Variants in ROBO2 observed in about 807,000 individuals in gnomAD.
ROBO2 encodes the protein roundabout guidance receptor 2.
Under a neutral mutation model 160.8 loss-of-function variants are expected in ROBO2, and 53 were observed. That is an observed-to-expected ratio of 0.33 (90% CI 0.26 to 0.41). The LOEUF is 0.41. Ranked by LOEUF, ROBO2 falls within the 10% of genes least tolerant of loss-of-function variation. ROBO2 has a pLI of 1.00. For synonymous variants in ROBO2, 664 were observed against 611.7 expected (o/e 1.09, Z -1.26); for missense variants, 1,577 against 1,722.4 (o/e 0.92, Z 1.49).
At chr3:77,137,175 G>A (rs1034062756) in intron 2 of ROBO2, among the ~76,000 whole-genome samples, 1 of 152,124 alleles carries the variant, frequency 6.6e-6, no homozygotes, top group Admixed American at 6.5e-5. Flanking sequence ...TAACTTTAGT[G>A]TTGTTACTTC....
Position 76,505,626 on chromosome 3 carries a change from CA to C in ROBO2, c.109+568025del, listed in dbSNP as rs1352231646. Reference sequence around the variant, plus strand: ...TTCTACCCACTGACAGAGGGAATGACAGACAGAAATTGGAATGAGGCATCTA... The same window carrying C: ...TTCTACCCACTGACAGAGGGAATGACGACAGAAATTGGAATGAGGCATCTA... On this transcript the variant is annotated intron_variant, in intron 2 of 26. Transcript: ENST00000487694. Among the ~76,000 whole-genome samples the C allele has an allele frequency of 2.6e-5, 4 of 152,248 alleles. No individual in the cohort carries two copies. In the East Asian group the frequency reaches 7.7e-4, roughly 29 times the overall value.
At chr3:77,361,243 C>A (rs1038930553) in intron 2 of ROBO2, among the ~76,000 whole-genome samples, 2 of 152,022 alleles carry the variant, frequency 1.3e-5, no homozygotes, top group African/African-American at 4.8e-5. Flanking sequence ...CAGATAAGAG[C>A]AAATCGTTTT....
intron 1 of ROBO2, among the ~76,000 whole-genome samples, chr3:75,922,199 G>A (rs1947087873): frequency 6.6e-6 from 1 of 152,086 alleles, no homozygotes; most frequent in African/African-American, 2.4e-5. Context: ...TTGGCTATAT[G>A]TATTTTATAG....
intron 2 of ROBO2, among the ~76,000 whole-genome samples, chr3:77,397,647 T>C (rs1402562816): frequency 6.6e-6 from 1 of 152,158 alleles, no homozygotes; most frequent in East Asian, 1.9e-4. Context: ...AATGTGTGTG[T>C]GTATGCTATC....
chr3:77,040,132 T>G, exon 1 of ROBO2: 1 of 981,442 alleles, frequency 1.0e-6, no homozygotes, highest in Non-Finnish European at 1.2e-6. Flanking sequence ...CGAATCGTCC[T>G]GATTTCCCTT....
intron 2 of ROBO2, among the ~76,000 whole-genome samples, chr3:76,614,315 A>G (rs1163803943): frequency 1.3e-5 from 2 of 152,124 alleles, no homozygotes; most frequent in East Asian, 3.8e-4. Flanking sequence ...AATAGAAATA[A>G]TATCAAATCG....
At chr3:75,954,432 T>C (rs1948656850) in intron 2 of ROBO2, among the ~76,000 whole-genome samples, 1 of 151,770 alleles carries the variant, frequency 6.6e-6, no homozygotes, top group Non-Finnish European at 1.5e-5. Flanking sequence ...GTCTCCTCTT[T>C]CTCCAAAAAC....
At chr3:76,114,942 G>A (rs1026356408) in intron 2 of ROBO2, among the ~76,000 whole-genome samples, 1 of 152,050 alleles carries the variant, frequency 6.6e-6, no homozygotes, top group African/African-American at 2.4e-5. Flanking sequence ...TCTTGAATGG[G>A]CATTTCTTTC....
At chr3:76,465,988 A>C (rs1577387156) in intron 2 of ROBO2, among the ~76,000 whole-genome samples, 2 of 119,882 alleles carry the variant, frequency 1.7e-5, no homozygotes, top group African/African-American at 6.5e-5. Flanking sequence ...AATATCCTGG[A>C]TAAAATATGG....
intron 14 of ROBO2, among the ~76,000 whole-genome samples, chr3:77,575,897 C>T (rs1188434389): frequency 6.6e-6 from 1 of 151,872 alleles, no homozygotes; most frequent in Non-Finnish European, 1.5e-5. Context: ...GACATTTGTC[C>T]CTGTTGGGTA....
chr3:76,253,031 A>AT (rs745402675), intron 2 of ROBO2, among the ~76,000 whole-genome samples: 3 of 152,024 alleles, frequency 2.0e-5, no homozygotes, highest in Non-Finnish European at 4.4e-5. Flanking sequence ...AAGTCAGCTG[A>AT]TTTTAGAGTT....
At chr3:76,549,277 A>G (rs951389394) in intron 2 of ROBO2, among the ~76,000 whole-genome samples, 4 of 152,200 alleles carry the variant, frequency 2.6e-5, no homozygotes, top group South Asian at 4.1e-4. Flanking sequence ...CAATGTGAAT[A>G]TGAACTCTTT....
At chr3:76,722,836 C>A (rs971811580) in intron 2 of ROBO2, among the ~76,000 whole-genome samples, 2 of 152,182 alleles carry the variant, frequency 1.3e-5, no homozygotes, top group Non-Finnish European at 2.9e-5. Context: ...TTTTGGTTAT[C>A]AATTTACCAG....
intron 2 of ROBO2, among the ~76,000 whole-genome samples, chr3:76,650,436 T>C (rs1295198745): frequency 6.6e-6 from 1 of 152,044 alleles, no homozygotes; most frequent in Admixed American, 6.6e-5. Context: ...ACCAAATAAG[T>C]TTCTTAATAC....
intron 2 of ROBO2, among the ~76,000 whole-genome samples, chr3:76,509,628 C>G (rs772909179): frequency 2.0e-5 from 3 of 152,114 alleles, no homozygotes; most frequent in Non-Finnish European, 4.4e-5. Flanking sequence ...GTTGAGGCAA[C>G]GCTTTCCAAC....
intron 2 of ROBO2, among the ~76,000 whole-genome samples, chr3:76,186,761 G>C (rs1701784205): frequency 6.6e-6 from 1 of 151,968 alleles, no homozygotes; most frequent in African/African-American, 2.4e-5. Context: ...TCACTCCCTT[G>C]TTCTCTCTAA....
intron 2 of ROBO2, among the ~76,000 whole-genome samples, chr3:77,033,322 C>T (rs756656830): frequency 2.3e-4 from 35 of 152,136 alleles, no homozygotes; most frequent in Admixed American, 2.6e-4. Context: ...TTCCTGATGA[C>T]AAGTGAATGG....
chr3:76,676,242 T>C (rs2092404530), intron 2 of ROBO2, among the ~76,000 whole-genome samples: 1 of 152,126 alleles, frequency 6.6e-6, no homozygotes, highest in African/African-American at 2.4e-5. Context: ...TTCCCCGTGC[T>C]GTTCTCATGA....
chr3:76,780,516 A>G (rs9881559), intron 2 of ROBO2, among the ~76,000 whole-genome samples: 126,397 of 150,660 alleles, frequency 0.84, 53,133 homozygotes, highest in Admixed American at 0.86. Flanking sequence ...GCCAAGACCC[A>G]TGTCGAGAAG....
Sources: gnomAD v4.1 joint callset for allele counts (sites outside exome capture counted in the v4.1 genomes callset) on GRCh38, gnomAD v4.1.1 for gene constraint, MANE v1.5 for transcripts, NCBI Gene and HGNC (gene_info 2026-07-23, HGNC 2026-07-21) for gene names.